TSHZ3: variants seen among roughly 807,000 people sequenced by gnomAD.
TSHZ3 encodes teashirt homolog 3.
TSHZ3 carries 10 observed loss-of-function variants against 64.5 expected under a neutral mutation model. The ratio of observed to expected loss-of-function variants is 0.16; its 90% CI spans 0.10 to 0.26. TSHZ3 has a LOEUF of 0.26. Among genes scored for constraint, TSHZ3 ranks in the 10% least tolerant of loss-of-function variants. TSHZ3 has a pLI of 1.00. For synonymous variants in TSHZ3, 608 were observed against 593.1 expected, an observed-to-expected ratio of 1.03 and a Z score of -0.36; for missense variants, 1,242 against 1,421.7, an observed-to-expected ratio of 0.87 and a Z score of 2.03.
At chr19:31,161,151 A>G (rs1012989547) in intron 5 of TSHZ3, among the ~76,000 whole-genome samples, 1 of 152,220 alleles carries the variant, frequency 6.6e-6, no homozygotes, top group Admixed American at 6.5e-5. Context: ...ATGCCTCTGT[A>G]TGTGTATAAA....
At chr19:31,213,190 T>C (rs1277740787) in intron 4 of TSHZ3, among the ~76,000 whole-genome samples, 1 of 151,208 alleles carries the variant, frequency 6.6e-6, no homozygotes, top group Non-Finnish European at 1.5e-5. Flanking sequence ...ACCCCGTCTC[T>C]ACTAAAATAC....
intron 1 of TSHZ3, among the ~76,000 whole-genome samples, chr19:31,310,073 T>A (rs138023211): frequency 1.3e-5 from 2 of 152,188 alleles, no homozygotes; most frequent in Non-Finnish European, 2.9e-5. Flanking sequence ...CATGCAAGTA[T>A]GTTTTCCTTC....
chr19:31,276,663 T>G lies in TSHZ3; in HGVS notation c.3130A>C (p.Lys1044Gln). The G allele has an allele frequency of 6.2e-7, 1 of 1,613,646 alleles. No homozygotes were observed. Residue 1044 changes from lysine (K) to glutamine (Q), a missense_variant, in exon 2 of 2, where the codon AAA (lysine) becomes CAA (glutamine). Lys to Gln is a moderately conservative substitution (Grantham distance 53). Around this residue, in one of 4 missense-constraint regions of TSHZ3, gnomAD observed 126 missense variants for 140.6 expected, o/e 0.90. Coordinates refer to ENST00000240587, the MANE Select transcript of TSHZ3 (RefSeq NM_020856.4). ...CTGGCAAAGGTCCGATTGCAAAGTT[T>G]GCACTGATAGGAAGTCCCCAGGTCT... ...EEDLGTSYQC[K>Q]LCNRTFASKH...
chr19:31,221,093 C>T (rs1354959943), intron 4 of TSHZ3, among the ~76,000 whole-genome samples: 2 of 152,202 alleles, frequency 1.3e-5, no homozygotes, highest in Non-Finnish European at 2.9e-5. Flanking sequence ...CTGTCACATG[C>T]CTACTTGGTA....
intron 1 of TSHZ3, among the ~76,000 whole-genome samples, chr19:31,331,208 C>T (rs534628182): frequency 3.3e-5 from 5 of 152,254 alleles, no homozygotes; most frequent in African/African-American, 9.6e-5. Flanking sequence ...CAGAGCGACA[C>T]CAGGCCTTCC....
At chr19:31,163,584 A>G (rs529475200) in intron 5 of TSHZ3, among the ~76,000 whole-genome samples, 1 of 152,090 alleles carries the variant, frequency 6.6e-6, no homozygotes, top group Admixed American at 6.5e-5. Context: ...CACAAAAACT[A>G]TCCAGGCCTG....
At chr19:31,200,838 GC>G (rs1194824675) in intron 5 of TSHZ3, among the ~76,000 whole-genome samples, 3 of 152,068 alleles carry the variant, frequency 2.0e-5, no homozygotes, top group African/African-American at 7.2e-5. Context: ...GAAGGGGGGT[GC>G]ATGGGAAATC....
intron 4 of TSHZ3, among the ~76,000 whole-genome samples, chr19:31,227,343 G>C (rs1227472061): frequency 6.6e-6 from 1 of 152,038 alleles, no homozygotes; most frequent in East Asian, 1.9e-4. Context: ...TTGGTATAAA[G>C]AGAGTTACTG....
At chr19:31,341,625 T>TGA (rs1250570516) in intron 1 of TSHZ3, among the ~76,000 whole-genome samples, 198 of 131,298 alleles carry the variant, frequency 1.5e-3, no homozygotes, top group South Asian at 2.1e-3. Context: ...TCTCTCTCTC[T>TGA]CTCTGACACA....
At chr19:31,172,190 C>T (rs564422424) in intron 5 of TSHZ3, among the ~76,000 whole-genome samples, 1 of 152,286 alleles carries the variant, frequency 6.6e-6, no homozygotes, top group South Asian at 2.1e-4. Context: ...TTTGAAGTCA[C>T]ACTTTTTGGG....
chr19:31,341,828 C>T (rs1030770742), intron 1 of TSHZ3, among the ~76,000 whole-genome samples: 1 of 152,186 alleles, frequency 6.6e-6, no homozygotes, highest in Non-Finnish European at 1.5e-5. Flanking sequence ...CTGGTCTACT[C>T]AGAAGACAAT....
intron 3 of TSHZ3, among the ~76,000 whole-genome samples, chr19:31,228,343 T>C (rs1015592352): frequency 2.0e-5 from 3 of 151,854 alleles, no homozygotes; most frequent in African/African-American, 7.3e-5. Context: ...TTGGGCAACA[T>C]AGTGAAACCC....
At chr19:31,305,233 A>G (rs1230758352) in intron 1 of TSHZ3, among the ~76,000 whole-genome samples, 2 of 151,838 alleles carry the variant, frequency 1.3e-5, no homozygotes, top group Non-Finnish European at 2.9e-5. Flanking sequence ...CAATTTCATG[A>G]AATTCTGTGC....
intron 4 of TSHZ3, among the ~76,000 whole-genome samples, chr19:31,212,960 A>C (rs1975278393): frequency 6.6e-6 from 1 of 152,194 alleles, no homozygotes; most frequent in African/African-American, 2.4e-5. Flanking sequence ...ACATGGGAGA[A>C]TCTCAAAAGC....
At chr19:31,197,640 G>A (rs1277062072) in intron 5 of TSHZ3, among the ~76,000 whole-genome samples, 1 of 151,756 alleles carries the variant, frequency 6.6e-6, no homozygotes, top group Non-Finnish European at 1.5e-5. Context: ...TCAATCCCAT[G>A]GACATTCAAA....
At chr19:31,344,762 C>T (rs1481974725) in intron 1 of TSHZ3, among the ~76,000 whole-genome samples, 2 of 152,232 alleles carry the variant, frequency 1.3e-5, no homozygotes, top group Non-Finnish European at 2.9e-5. Flanking sequence ...GGTTTTAATT[C>T]TCTCAACTCA....
At chr19:31,307,056 A>C (rs1916319902) in intron 1 of TSHZ3, among the ~76,000 whole-genome samples, 1 of 151,928 alleles carries the variant, frequency 6.6e-6, no homozygotes. Context: ...AAAAAAAAAG[A>C]TAGTAAATTT....
chr19:31,305,100 G>A (rs12327567), intron 1 of TSHZ3, among the ~76,000 whole-genome samples: 5,268 of 152,132 alleles, frequency 0.035, 122 homozygotes, highest in Middle Eastern at 0.12. Context: ...CAAGTGCCAC[G>A]AGCATTTGTG....
At chr19:31,185,420 A>C (rs929408850) in intron 5 of TSHZ3, among the ~76,000 whole-genome samples, 21 of 152,246 alleles carry the variant, frequency 1.4e-4, no homozygotes, top group Middle Eastern at 3.4e-3. Flanking sequence ...TGTCAGACAA[A>C]CCAGAGGGGA....
Sources: allele counts gnomAD v4.1 joint callset (sites outside exome capture counted in the v4.1 genomes callset), GRCh38; gene constraint gnomAD v4.1.1; regional missense constraint gnomAD v4.1.1; transcripts MANE v1.5; gene names NCBI Gene and HGNC (gene_info 2026-07-23, HGNC 2026-07-21).